Variants in NISCH observed in about 807,000 individuals in gnomAD.
NISCH encodes nischarin, also known as I-1 receptor candidate protein.
Under a neutral mutation model 138.4 loss-of-function variants are expected in NISCH, and 55 were observed. The ratio of observed to expected loss-of-function variants is 0.40; its 90% confidence interval spans 0.32 to 0.50. The LOEUF is 0.50. Among genes scored for constraint, NISCH ranks in the 20% least tolerant of loss-of-function variants. The pLI, the probability that NISCH is intolerant of heterozygous loss-of-function variation, is 0.71. For synonymous variants in NISCH, 860 were observed against 861.5 expected, an observed-to-expected ratio of 1.00 and a Z score of 0.03; for missense variants, 1,643 against 2,005.5, an observed-to-expected ratio of 0.82 and a Z score of 3.45.
intron 12 of NISCH, 29 bp from the exon 13 acceptor site, chr3:52,480,155 C>T (rs1202434510): frequency 1.2e-6 from 2 of 1,612,946 alleles, no homozygotes; most frequent in African/African-American, 1.3e-5. Context: ...CCTCTTCTCT[C>T]CCGGGCTGAC....
intron 13 of NISCH, chr3:52,481,936 G>A: frequency 1.0e-6 from 1 of 985,148 alleles, no homozygotes; most frequent in Non-Finnish European, 1.2e-6. Context: ...CTTTCCTTTT[G>A]GTGAGAAACA....
chr3:52,485,944 A>G (rs1014757133), intron 15 of NISCH, 117 bp downstream of exon 15: 4 of 886,654 alleles, frequency 4.5e-6, no homozygotes, highest in South Asian at 1.5e-5. Flanking sequence ...CAGAAGGCCT[A>G]TAGAACTATT....
At chr3:52,462,133 T>G (rs1706653143) in intron 3 of NISCH, among the ~76,000 whole-genome samples, 1 of 152,178 alleles carries the variant, frequency 6.6e-6, no homozygotes, top group African/African-American at 2.4e-5. Flanking sequence ...CTTGTAGAAG[T>G]TTTGACATAT....
In NISCH at chr3:52,477,891, A is replaced by G. The variant is rs9824342; in HGVS notation, c.988-206A>G. The stretch of plus-strand genomic sequence containing the variant: ...CTGAAGGTGGACAGCCATGTTTTCA[A>G]CGCCCACCCCAACTGTCTGCAGGGG... On this transcript the variant is annotated intron_variant, in intron 9 of 20. Transcript: ENST00000345716. The G allele has an allele frequency of 3.0e-3, 1,948 of 645,254 alleles. 31 individuals carry two copies. In the African/African-American group the frequency reaches 0.032, roughly 11 times the overall value. The allele number at this position is 645,254 out of a possible 1,614,324, so 40.0% of individuals were successfully genotyped here. A position where few individuals can be genotyped will look rare whatever the true frequency, so the allele number is the denominator to read the frequency against.
chr3:52,480,015 C>G (rs1578300437), intron 12 of NISCH, 153 bp downstream of exon 12: 1 of 957,402 alleles, frequency 1.0e-6, no homozygotes, highest in South Asian at 1.5e-5. Context: ...CGCGGCCTCT[C>G]TGTTCTCTGT....
rs200394792 is a variant in NISCH, at chr3:52,480,591, C to T, written c.1528+296C>T. ...CCTGAGGCTGCCCTCTGAACAGGCTCGGGGCTGTTGGCTCATGGGACCCAT... is the reference window on the plus strand; with the variant it reads ...CCTGAGGCTGCCCTCTGAACAGGCTTGGGGCTGTTGGCTCATGGGACCCAT... On this transcript the variant is annotated intron_variant, in intron 13 of 20. Coordinates refer to ENST00000345716, the MANE Select transcript of NISCH (RefSeq NM_007184.4). 177 of 1,435,346 alleles carry T rather than the reference C, an allele frequency of 1.2e-4. 2 individuals are homozygous for T. In the East Asian group the frequency reaches 3.8e-3, roughly 31 times the overall value. The allele number at this position is 1,435,346 out of a possible 1,614,324, so 88.9% of individuals were successfully genotyped here. A position where few individuals can be genotyped will look rare whatever the true frequency, so the allele number is the denominator to read the frequency against.
At chr3:52,462,943 G>C (rs1236613631) in intron 3 of NISCH, among the ~76,000 whole-genome samples, 1 of 151,928 alleles carries the variant, frequency 6.6e-6, no homozygotes, top group African/African-American at 2.4e-5. Context: ...GCCATGGTGT[G>C]GATTTTTAAA....
At chr3:52,484,462 T>TTGGCCGCCCCCC in intron 13 of NISCH, 51 bp from the exon 14 acceptor site, 1 of 788,670 alleles carries the variant, frequency 1.3e-6, no homozygotes, top group Non-Finnish European at 1.8e-6. Context: ...ACAGCCGCTC[T>TTGGCCGCCCCCC]CCCCGCCCCA....
intron 8 of NISCH, among the ~76,000 whole-genome samples, chr3:52,477,058 C>T (rs1707117180): frequency 6.6e-6 from 1 of 152,072 alleles, no homozygotes; most frequent in African/African-American, 2.4e-5. Flanking sequence ...AAAATGGGAT[C>T]ATTTAAAATT....
intron 8 of NISCH, 150 bp from the exon 9 acceptor site, chr3:52,477,424 G>A (rs1253417942): frequency 5.7e-5 from 36 of 635,902 alleles, no homozygotes; most frequent in South Asian, 1.6e-4. Flanking sequence ...GCTGGGCAGC[G>A]GGAGATGTCC....
Position 52,458,798 on chromosome 3 carries a change from G to GCGTGA in NISCH, c.316_320dup (p.Pro108Ter). On this transcript the variant is annotated frameshift_variant, in exon 3 of 21. Coordinates refer to ENST00000345716, the MANE Select transcript of NISCH (RefSeq NM_007184.4). LOFTEE classifies it high-confidence loss of function. ...CAGAAGCTCCTGGCTGCCTTCCCTG[G>GCGTGA]CGTGACCCCCAGAGTACTGGCCCAC... The GCGTGA allele has an allele frequency of 6.2e-7, 1 of 1,612,584 alleles. No individual in the cohort carries two copies.
Position 52,489,542 on chromosome 3 carries a change from C to T in NISCH, c.3320C>T (p.Pro1107Leu), listed in dbSNP as rs146356041. 47 of 1,613,152 alleles carry T rather than the reference C, an allele frequency of 2.9e-5. No individual in the cohort carries two copies. In the African/African-American group the frequency reaches 3.6e-4, roughly 12 times the overall value. Residue 1107 changes from proline (P) to leucine (L), a missense_variant, in exon 17 of 21, where the codon CCG (proline) becomes CTG (leucine). By Grantham distance (98) the Pro-to-Leu change is moderately conservative (BLOSUM62 -3). Transcript: ENST00000345716. ...CCAGCCGAGGCCCCTGCCCAGTACCCGAGTGAGCACCTCATCCAGGCCACC... is the reference window on the plus strand; with the variant it reads ...CCAGCCGAGGCCCCTGCCCAGTACCTGAGTGAGCACCTCATCCAGGCCACC... ...PPPAEAPAQY[P>L]SEHLIQATSE...
Position 52,478,215 on chromosome 3 carries a change from GTCTGAGT to G in NISCH, c.1107_1113del (p.Ser369ArgfsTer28). The G allele has an allele frequency of 6.2e-7, 1 of 1,614,166 alleles. No homozygotes were observed. The highest frequency in any genetic ancestry group is 8.5e-7 in the Non-Finnish European group (1 of 1,180,006). ...AACCTGGCAGGCAACCTCCTAGAGA[GTCTGAGT>G]GGCCTGCACAAGCTCTACTCACTGG... On this transcript the variant is annotated frameshift_variant, in exon 10 of 21. Transcript: ENST00000345716. LOFTEE classifies it high-confidence loss of function.
In NISCH at chr3:52,491,215, A is replaced by G. The variant is rs1027446810; in HGVS notation, c.3743-137A>G. ...AAGGAATGGCCTCCTCCCGGGCCCC[A>G]TGATTCTTTCCTGTGTGGGCCCTCC... On this transcript the variant is annotated intron_variant, in intron 19 of 20. Coordinates refer to ENST00000345716, the MANE Select transcript of NISCH (RefSeq NM_007184.4). 8.1e-6 allele frequency: 11 copies of G among 1,357,236 alleles called. No individual in the cohort carries two copies. The African/African-American group carries it at 1.0e-4, about 13-fold the overall frequency. The allele number at this position is 1,357,236 out of a possible 1,614,324, so 84.1% of individuals were successfully genotyped here.
At chr3:52,480,422 G>A (rs1417345780) in intron 13 of NISCH, 127 bp downstream of exon 13, 1 of 1,548,514 alleles carries the variant, frequency 6.5e-7, no homozygotes, top group African/African-American at 1.4e-5. Flanking sequence ...GGAGGGCAGT[G>A]CCTTCTGCAG....
chr3:52,488,763 C>T (rs1045894090), intron 16 of NISCH, among the ~76,000 whole-genome samples, 158 bp downstream of exon 16: 6 of 151,634 alleles, frequency 4.0e-5, no homozygotes, highest in Non-Finnish European at 7.4e-5. Flanking sequence ...TACATCACCA[C>T]CCCAGGTTTG....
At chr3:52,463,770 C>G (rs1706702798) in intron 3 of NISCH, among the ~76,000 whole-genome samples, 1 of 119,872 alleles carries the variant, frequency 8.3e-6, no homozygotes, top group Non-Finnish European at 1.6e-5. Flanking sequence ...GTCGCACAGG[C>G]TGGGGTGCAG....
Position 52,491,923 on chromosome 3 carries a change from A to G in NISCH, c.3956A>G (p.Tyr1319Cys), listed in dbSNP as rs1006890774. The G allele has an allele frequency of 6.2e-7, 1 of 1,612,850 alleles. No individual in the cohort carries two copies. The highest frequency in any genetic ancestry group is 8.5e-7 in the Non-Finnish European group (1 of 1,179,590). Residue 1319 changes from tyrosine (Y) to cysteine (C), a missense_variant, in exon 21 of 21, where the codon TAC becomes TGC. Coordinates refer to ENST00000345716, the MANE Select transcript of NISCH (RefSeq NM_007184.4). ...CACTCTAGTCGCGTCAAGTTTACCT[A>G]CCCCAGTGAGGAGGAGATTGGGGAC... ...LIHSSRVKFT[Y>C]PSEEEIGDLT...
At chr3:52,478,038 G>A in intron 9 of NISCH, 59 bp from the exon 10 acceptor site, 1 of 1,572,938 alleles carries the variant, frequency 6.4e-7, no homozygotes. Context: ...TTAGTGTCAG[G>A]CCCCTATCTT....
Sources: gnomAD v4.1 joint callset for allele counts (sites outside exome capture counted in the v4.1 genomes callset) on GRCh38, gnomAD v4.1.1 for gene constraint, MANE v1.5 for transcripts, NCBI Gene and HGNC (gene_info 2026-07-23, HGNC 2026-07-21) for gene names.